NDUFS4: variants seen among roughly 807,000 people sequenced by gnomAD.
NDUFS4 encodes NADH:ubiquinone oxidoreductase subunit S4.
A neutral mutation model predicts 24.3 loss-of-function variants in NDUFS4; 28 were observed. The ratio of observed to expected loss-of-function variants is 1.15; its 90% CI spans 0.85 to 1.58. The LOEUF (loss-of-function observed/expected upper bound fraction) is 1.58, where lower values mean the gene tolerates loss of function less well. NDUFS4 is among the 40% of genes most tolerant of loss of function. The pLI is 0.00. For missense variants in NDUFS4, 223 were observed against 207.9 expected (o/e 1.07, Z -0.45); for synonymous variants, 93 against 69.7 (o/e 1.34, Z -1.67).
rs949876044 is a variant in NDUFS4, at chr5:53,625,404, ATTC to A, written c.178-20826_178-20824del. Among the ~76,000 whole-genome samples, 8 of 152,254 alleles carry A rather than the reference ATTC, an allele frequency of 5.3e-5. 1 individual carries two copies. The highest frequency in any genetic ancestry group is 2.4e-5 in the African/African-American group (1 of 41,556). On this transcript the variant is annotated intron_variant, in intron 2 of 4. Coordinates refer to ENST00000296684, the MANE Select transcript of NDUFS4 (RefSeq NM_002495.4). ...AAGATTCTTGGAATTTTTGATTAGT[ATTC>A]TTAAAAATTGGAAAATTTGGAAATT...
Position 53,675,157 on chromosome 5 carries a change from C to CTTT in NDUFS4, c.425-7941_425-7939dup, listed in dbSNP as rs70983372. 2.2e-3 allele frequency among the ~76,000 whole-genome samples: 226 copies of CTTT among 102,922 alleles called. 2 individuals are homozygous for CTTT. The highest frequency in any genetic ancestry group is 4.8e-3 in the East Asian group (14 of 2,932). The allele number at this position is 102,922 out of a possible 152,430, so 67.5% of individuals were successfully genotyped here. A position where few individuals can be genotyped will look rare whatever the true frequency, so the allele number is the denominator to read the frequency against. ...CTATAAGCTAATCAGAACAGAGTTCCTTTTTTTTTTTTTTTTTTTTTTGAG... is the reference window on the plus strand; with the variant it reads ...CTATAAGCTAATCAGAACAGAGTTCCTTTTTTTTTTTTTTTTTTTTTTTTTGAG... On this transcript the variant is annotated intron_variant, in intron 4 of 4. Coordinates refer to ENST00000296684, the MANE Select transcript of NDUFS4 (RefSeq NM_002495.4).
intron 1 of NDUFS4, among the ~76,000 whole-genome samples, chr5:53,566,754 A>T (rs1749039600): frequency 6.6e-6 from 1 of 152,122 alleles, no homozygotes; most frequent in Non-Finnish European, 1.5e-5. Flanking sequence ...TTCTCTGTAA[A>T]TAACTGTTAT....
At chr5:53,602,822 C>T (rs1310884510) in intron 1 of NDUFS4, among the ~76,000 whole-genome samples, 2 of 152,020 alleles carry the variant, frequency 1.3e-5, no homozygotes, top group African/African-American at 2.4e-5. Context: ...ATGAAACGTC[C>T]GTTAACGTTA....
chr5:53,661,105 G>A (rs1261591905), intron 4 of NDUFS4, among the ~76,000 whole-genome samples: 1 of 152,140 alleles, frequency 6.6e-6, no homozygotes, highest in African/African-American at 2.4e-5. Context: ...TATTGCCTAG[G>A]TTTTCTTCTA....
chr5:53,643,137 T>C (rs1439190765), intron 2 of NDUFS4, among the ~76,000 whole-genome samples: 2 of 152,142 alleles, frequency 1.3e-5, no homozygotes, highest in Non-Finnish European at 2.9e-5. Context: ...CAGATAATTA[T>C]TAACTGGTGA....
chr5:53,571,923 C>A (rs1387226863), intron 1 of NDUFS4, among the ~76,000 whole-genome samples: 2 of 152,074 alleles, frequency 1.3e-5, no homozygotes, highest in African/African-American at 4.8e-5. Context: ...ATTCTGGATA[C>A]AAATTCTTTG....
At chr5:53,610,609 G>A (rs1750664444) in intron 2 of NDUFS4, among the ~76,000 whole-genome samples, 1 of 152,116 alleles carries the variant, frequency 6.6e-6, no homozygotes, top group Non-Finnish European at 1.5e-5. Flanking sequence ...ATAAAATGAG[G>A]TATGCCTGTA....
chr5:53,567,586 G>C (rs1045836667), intron 1 of NDUFS4, among the ~76,000 whole-genome samples: 13 of 150,788 alleles, frequency 8.6e-5, no homozygotes, highest in Non-Finnish European at 1.5e-4. Flanking sequence ...TTTTCTTACT[G>C]ATTCCAGTGA....
intron 4 of NDUFS4, among the ~76,000 whole-genome samples, chr5:53,662,223 T>C (rs181705225): frequency 3.9e-5 from 6 of 152,350 alleles, no homozygotes; most frequent in African/African-American, 1.4e-4. Context: ...TTGAATTTTG[T>C]CAAAGGCCTT....
intron 4 of NDUFS4, among the ~76,000 whole-genome samples, chr5:53,676,281 TCA>T (rs1740466175): frequency 6.6e-6 from 1 of 152,184 alleles, no homozygotes; most frequent in African/African-American, 2.4e-5. Flanking sequence ...TTCTCCTTAT[TCA>T]CAGTTATGTT....
At chr5:53,591,776 T>G (rs191689292) in intron 1 of NDUFS4, among the ~76,000 whole-genome samples, 1 of 152,328 alleles carries the variant, frequency 6.6e-6, no homozygotes, top group East Asian at 1.9e-4. Flanking sequence ...CTAATAGGTG[T>G]GTAGCACTGT....
At chr5:53,667,247 C>T (rs1752541991) in intron 4 of NDUFS4, among the ~76,000 whole-genome samples, 1 of 151,980 alleles carries the variant, frequency 6.6e-6, no homozygotes, top group Non-Finnish European at 1.5e-5. Flanking sequence ...GGGCGGATCA[C>T]CTGAGGTCAG....
At chr5:53,633,639 T>C (rs1751471510) in intron 2 of NDUFS4, among the ~76,000 whole-genome samples, 1 of 152,198 alleles carries the variant, frequency 6.6e-6, no homozygotes, top group Non-Finnish European at 1.5e-5. Flanking sequence ...AAAACTTATA[T>C]TAAATAAATT....
intron 2 of NDUFS4, among the ~76,000 whole-genome samples, chr5:53,635,743 G>A (rs542134638): frequency 5.3e-5 from 8 of 152,000 alleles, no homozygotes; most frequent in Non-Finnish European, 1.2e-4. Context: ...ATTTTTCAAC[G>A]ATTTCAGTTG....
At chr5:53,640,750 T>C (rs1019163372) in intron 2 of NDUFS4, among the ~76,000 whole-genome samples, 7 of 152,088 alleles carry the variant, frequency 4.6e-5, no homozygotes, top group Non-Finnish European at 1.0e-4. Context: ...GGATCAAATT[T>C]TAACATGAAA....
intron 1 of NDUFS4, among the ~76,000 whole-genome samples, chr5:53,597,747 A>G (rs1002974946): frequency 1.3e-5 from 2 of 152,232 alleles, no homozygotes; most frequent in Non-Finnish European, 1.5e-5. Context: ...CGAAAAATGC[A>G]TCAGTTAGGC....
chr5:53,637,482 C>T (rs1751592056), intron 2 of NDUFS4, among the ~76,000 whole-genome samples: 1 of 152,222 alleles, frequency 6.6e-6, no homozygotes, highest in South Asian at 2.1e-4. Flanking sequence ...GTACAAGTAA[C>T]TATATTGTAT....
intron 2 of NDUFS4, among the ~76,000 whole-genome samples, chr5:53,623,608 A>G (rs1383944135): frequency 6.6e-6 from 1 of 152,084 alleles, no homozygotes; most frequent in Non-Finnish European, 1.5e-5. Context: ...TTTTATTGTC[A>G]TATCCAGTAA....
chr5:53,563,000 C>T (rs1245552157), intron 1 of NDUFS4, among the ~76,000 whole-genome samples: 4 of 151,880 alleles, frequency 2.6e-5, no homozygotes, highest in Non-Finnish European at 4.4e-5. Flanking sequence ...GAGGCCGAGG[C>T]GGGCAGATCA....
Sources: gnomAD v4.1 joint callset for allele counts (sites outside exome capture counted in the v4.1 genomes callset) on GRCh38, gnomAD v4.1.1 for gene constraint, MANE v1.5 for transcripts, NCBI Gene and HGNC (gene_info 2026-07-23, HGNC 2026-07-21) for gene names.